Variants in SNTG1 observed in about 807,000 individuals in gnomAD.
SNTG1 encodes syntrophin gamma 1.
In SNTG1, 39 loss-of-function variants were observed where a neutral mutation model predicts 74.7. That is an observed-to-expected ratio of 0.52 (90% CI 0.40 to 0.68). The LOEUF is 0.68. Ranked by LOEUF, SNTG1 falls within the 30% of genes least tolerant of loss-of-function variation. SNTG1 has a pLI of 0.00. For missense variants in SNTG1, 685 were observed against 609.5 expected (o/e 1.12, Z -1.30); for synonymous variants, 254 against 217.1 (o/e 1.17, Z -1.49).
intron 9 of SNTG1, among the ~76,000 whole-genome samples, chr8:50,512,830 A>C (rs932428142): frequency 2.0e-5 from 3 of 151,950 alleles, no homozygotes; most frequent in African/African-American, 7.3e-5. Context: ...ATTTTTTTTC[A>C]AGGTTTTTAA....
In SNTG1 at chr8:49,959,200, C is replaced by T. The variant is rs143344284; in HGVS notation, c.-103+46969C>T. On this transcript the variant is annotated intron_variant, in intron 1 of 18. Coordinates refer to ENST00000642720, the MANE Select transcript of SNTG1 (RefSeq NM_018967.5). ...GAAATTAGGCTCAGAGGAAAATGTA[C>T]GGGTGCCAAGGGCTTTCTCCTCCCT... Among the ~76,000 whole-genome samples, 127 of 152,258 alleles carry T rather than the reference C, an allele frequency of 8.3e-4. 1 individual carries two copies. In the East Asian group the frequency reaches 0.017, roughly 20 times the overall value.
intron 1 of SNTG1, among the ~76,000 whole-genome samples, chr8:50,147,261 G>T (rs189446391): frequency 6.6e-6 from 1 of 152,088 alleles, no homozygotes; most frequent in Non-Finnish European, 1.5e-5. Context: ...AGAATGGAAC[G>T]CAGACTGTGA....
At chr8:50,443,655 G>A (rs1252946752) in intron 5 of SNTG1, among the ~76,000 whole-genome samples, 3 of 152,142 alleles carry the variant, frequency 2.0e-5, no homozygotes, top group Non-Finnish European at 4.4e-5. Context: ...AAGAGGTTAA[G>A]TAATTCATCA....
At chr8:50,097,096 A>G (rs2079955925) in intron 1 of SNTG1, among the ~76,000 whole-genome samples, 2 of 151,974 alleles carry the variant, frequency 1.3e-5, no homozygotes, top group South Asian at 4.2e-4. Context: ...CAGCCTCCCA[A>G]GTAGCTGGGA....
At chr8:50,657,632 T>C (rs2131272570) in intron 14 of SNTG1, among the ~76,000 whole-genome samples, 1 of 152,278 alleles carries the variant, frequency 6.6e-6, no homozygotes, top group African/African-American at 2.4e-5. Context: ...ACTCTCATGG[T>C]GTTCAACATT....
intron 4 of SNTG1, among the ~76,000 whole-genome samples, chr8:50,431,810 T>C (rs757494642): frequency 2.6e-5 from 4 of 152,220 alleles, no homozygotes; most frequent in Non-Finnish European, 5.9e-5. Flanking sequence ...TAGGCTTGCT[T>C]GCTATTTGCA....
intron 8 of SNTG1, among the ~76,000 whole-genome samples, chr8:50,492,854 T>G (rs1393715752): frequency 1.3e-5 from 2 of 152,198 alleles, no homozygotes; most frequent in Admixed American, 6.5e-5. Context: ...TCTAGAGTTT[T>G]TATGGTTTTA....
intron 13 of SNTG1, among the ~76,000 whole-genome samples, chr8:50,643,145 A>T (rs1236148022): frequency 6.6e-6 from 1 of 152,234 alleles, no homozygotes; most frequent in Non-Finnish European, 1.5e-5. Flanking sequence ...TCAAACTCAG[A>T]TAAAGAATGC....
At chr8:50,404,841 T>C (rs1358982464) in intron 4 of SNTG1, among the ~76,000 whole-genome samples, 2 of 152,098 alleles carry the variant, frequency 1.3e-5, no homozygotes, top group African/African-American at 2.4e-5. Context: ...TGGTAACCAC[T>C]GTTCTACTTT....
intron 2 of SNTG1, among the ~76,000 whole-genome samples, chr8:50,291,945 T>C (rs1216129350): frequency 6.6e-6 from 1 of 152,072 alleles, no homozygotes; most frequent in African/African-American, 2.4e-5. Context: ...GAGGCATTTA[T>C]TGAAATGGAG....
intron 15 of SNTG1, among the ~76,000 whole-genome samples, chr8:50,693,126 G>A (rs2095389546): frequency 6.6e-6 from 1 of 152,108 alleles, no homozygotes. Flanking sequence ...GGGTGGGAGT[G>A]ACCCAATTTT....
intron 1 of SNTG1, among the ~76,000 whole-genome samples, chr8:50,103,847 A>C (rs917832744): frequency 3.3e-5 from 5 of 152,144 alleles, no homozygotes; most frequent in African/African-American, 9.7e-5. Context: ...GGTTCTGTTT[A>C]TATGCTGGAT....
At chr8:50,580,145 T>G (rs563914285) in intron 12 of SNTG1, among the ~76,000 whole-genome samples, 70 of 152,380 alleles carry the variant, frequency 4.6e-4, no homozygotes, top group African/African-American at 1.6e-3. Context: ...GAGATCATTT[T>G]CGAACCTTAA....
chr8:50,710,740 C>T (rs2095459243), intron 17 of SNTG1, among the ~76,000 whole-genome samples: 1 of 152,148 alleles, frequency 6.6e-6, no homozygotes, highest in African/African-American at 2.4e-5. Context: ...TCTACTTCTG[C>T]TGGGTGTTCT....
chr8:50,265,923 A>G (rs905441778), intron 2 of SNTG1, among the ~76,000 whole-genome samples: 2 of 152,116 alleles, frequency 1.3e-5, no homozygotes, highest in African/African-American at 4.8e-5. Flanking sequence ...GAAAAAAATT[A>G]AAAGAAATTT....
chr8:50,528,658 G>T (rs1282206628), intron 9 of SNTG1, among the ~76,000 whole-genome samples: 1 of 151,194 alleles, frequency 6.6e-6, no homozygotes, highest in Non-Finnish European at 1.5e-5. Flanking sequence ...TAATGTATTT[G>T]TTCACTTCAA....
intron 1 of SNTG1, among the ~76,000 whole-genome samples, chr8:50,029,981 C>T (rs1239610533): frequency 6.6e-6 from 1 of 152,066 alleles, no homozygotes; most frequent in African/African-American, 2.4e-5. Context: ...TATGAGGGTT[C>T]CCCATTCTTG....
intron 1 of SNTG1, among the ~76,000 whole-genome samples, chr8:49,984,374 T>G (rs1451707078): frequency 1.3e-5 from 2 of 151,984 alleles, no homozygotes; most frequent in African/African-American, 2.4e-5. Flanking sequence ...CCCGGATAAT[T>G]TTGTATTTTT....
rs1381048539 is a variant in SNTG1, at chr8:50,376,756, T to TATATATATATAGAGAGAG, written c.-27-17455_-27-17454insTATATATATAGAGAGAGA. On this transcript the variant is annotated intron_variant, in intron 2 of 18. Coordinates refer to ENST00000642720, the MANE Select transcript of SNTG1 (RefSeq NM_018967.5). ...ATATATATATATATATATATATATA[T>TATATATATATAGAGAGAG]AGAGAGAGAGAGAGAGAGAGAGAGA... Among the ~76,000 whole-genome samples the TATATATATATAGAGAGAG allele has an allele frequency of 1.9e-3, 170 of 89,890 alleles. 1 individual carries two copies. The highest frequency in any genetic ancestry group is 2.5e-3 in the Non-Finnish European group (111 of 44,588). 59.0% of individuals were successfully genotyped at this position (89,890 alleles called of 152,430 possible).
Sources: gnomAD v4.1 joint callset for allele counts (sites outside exome capture counted in the v4.1 genomes callset) on GRCh38, gnomAD v4.1.1 for gene constraint, MANE v1.5 for transcripts, NCBI Gene and HGNC (gene_info 2026-07-23, HGNC 2026-07-21) for gene names.